Variants in ARHGAP24 observed in about 807,000 individuals in gnomAD.
ARHGAP24 encodes rho GTPase-activating protein 24.
Under a neutral mutation model 76.4 loss-of-function variants are expected in ARHGAP24, and 50 were observed. That is an observed-to-expected ratio of 0.65 (90% CI 0.52 to 0.83). The LOEUF is 0.83. ARHGAP24 is among the 40% of genes least tolerant of loss of function. ARHGAP24 has a pLI of 0.00. For synonymous variants in ARHGAP24, 345 were observed against 323.3 expected, an observed-to-expected ratio of 1.07 and a Z score of -0.72; for missense variants, 930 against 914.2, an observed-to-expected ratio of 1.02 and a Z score of -0.22.
chr4:85,721,409 A>AC (rs1032166983), intron 2 of ARHGAP24, among the ~76,000 whole-genome samples: 2 of 151,688 alleles, frequency 1.3e-5, no homozygotes, highest in African/African-American at 4.9e-5. Flanking sequence ...AAACAAACAA[A>AC]AAAAAAAAAG....
rs111410344 is a variant in ARHGAP24, at chr4:85,755,626, G to GTTTTTTTTTTTTTTTTTTTTT, written c.268+33658_268+33659insTTTTTTTTTTTTTTTTTTTTT. ...TTCTATGGGAAGCTTCTATTCTTTT[G>GTTTTTTTTTTTTTTTTTTTTT]TTTTGTTTTGTTTTGTTTTGTTTTG... On this transcript the variant is annotated intron_variant, in intron 3 of 9. Transcript: ENST00000395184. Among the ~76,000 whole-genome samples the GTTTTTTTTTTTTTTTTTTTTT allele has an allele frequency of 1.1e-4, 13 of 117,372 alleles. 6 individuals carry two copies. Among genetic ancestry groups the GTTTTTTTTTTTTTTTTTTTTT allele is most frequent in the South Asian group, 5.8e-4 (2 of 3,442 alleles). The allele number at this position is 117,372 out of a possible 152,430, so 77.0% of individuals were successfully genotyped here.
At chr4:85,578,239 A>G (rs962672063) in intron 2 of ARHGAP24, among the ~76,000 whole-genome samples, 3 of 152,244 alleles carry the variant, frequency 2.0e-5, no homozygotes, top group Non-Finnish European at 4.4e-5. Flanking sequence ...CAACTATGCT[A>G]TAGATAAATA....
intron 2 of ARHGAP24, among the ~76,000 whole-genome samples, chr4:85,622,096 A>C (rs1047030415): frequency 2.0e-5 from 3 of 151,640 alleles, no homozygotes; most frequent in Non-Finnish European, 4.4e-5. Context: ...TTCTTTTTTA[A>C]AAATTTTATT....
chr4:85,639,213 A>G (rs1328992709), intron 2 of ARHGAP24, among the ~76,000 whole-genome samples: 3 of 152,110 alleles, frequency 2.0e-5, no homozygotes, highest in African/African-American at 7.2e-5. Flanking sequence ...GATATAACTT[A>G]TTTCTCACTC....
chr4:85,736,434 G>A (rs1725609701), intron 3 of ARHGAP24, among the ~76,000 whole-genome samples: 1 of 152,132 alleles, frequency 6.6e-6, no homozygotes, highest in African/African-American at 2.4e-5. Flanking sequence ...GTAGAAATGG[G>A]TAGCTTCTGG....
chr4:85,570,678 A>T lies in ARHGAP24; in HGVS notation c.137A>T (p.Asp46Val). The T allele has an allele frequency of 6.2e-7, 1 of 1,614,036 alleles. No individual in the cohort carries two copies. Among genetic ancestry groups the T allele is most frequent in the Non-Finnish European group, 8.5e-7 (1 of 1,179,996 alleles). Residue 46 changes from aspartate (D) to valine (V), a missense_variant, in exon 2 of 10, where the codon GAT (aspartate) becomes GTT (valine). Coordinates refer to ENST00000395184, the MANE Select transcript of ARHGAP24 (RefSeq NM_001025616.3). ...WHTRWFVLKG[D>V]QLYYFKDEDE... ...ACTCGCTGGTTTGTGCTCAAGGGGG[A>T]TCAGCTCTATTATTTCAAAGATGAA...
At chr4:85,728,423 T>G (rs1001068155) in intron 3 of ARHGAP24, among the ~76,000 whole-genome samples, 1 of 152,158 alleles carries the variant, frequency 6.6e-6, no homozygotes, top group Non-Finnish European at 1.5e-5. Flanking sequence ...AGCTAATCTG[T>G]CTATGTTCCT....
intron 5 of ARHGAP24, among the ~76,000 whole-genome samples, chr4:85,964,307 AAG>A (rs1214802912): frequency 1.3e-5 from 2 of 152,124 alleles, no homozygotes; most frequent in East Asian, 3.9e-4. Flanking sequence ...AAAATGCTAA[AAG>A]AGAAACAATT....
chr4:85,566,036 C>T (rs1426160565), intron 1 of ARHGAP24, among the ~76,000 whole-genome samples: 2 of 152,290 alleles, frequency 1.3e-5, no homozygotes, highest in East Asian at 3.9e-4. Flanking sequence ...CCATCAAATG[C>T]TGAGAACTGT....
intron 4 of ARHGAP24, among the ~76,000 whole-genome samples, chr4:85,925,071 C>A (rs772711249): frequency 3.3e-5 from 5 of 152,188 alleles, no homozygotes; most frequent in Admixed American, 2.0e-4. Context: ...CACTCCAGTA[C>A]CTTAGCAGAG....
chr4:85,734,450 CT>C (rs1725528622), intron 3 of ARHGAP24, among the ~76,000 whole-genome samples: 1 of 152,052 alleles, frequency 6.6e-6, no homozygotes, highest in African/African-American at 2.4e-5. Context: ...TTAAATACAA[CT>C]GTTATGCATC....
intron 2 of ARHGAP24, among the ~76,000 whole-genome samples, chr4:85,714,663 A>G (rs192120278): frequency 1.6e-3 from 238 of 152,236 alleles, no homozygotes; most frequent in Non-Finnish European, 2.9e-3. Context: ...ACAGTTTTCT[A>G]TAAGGAAATT....
intron 3 of ARHGAP24, among the ~76,000 whole-genome samples, chr4:85,921,159 A>G (rs984665763): frequency 6.6e-6 from 1 of 152,248 alleles, no homozygotes; most frequent in Admixed American, 6.5e-5. Flanking sequence ...CTGGATAAAG[A>G]AAATGTGTTA....
At chr4:85,708,562 C>T (rs1274122590) in intron 2 of ARHGAP24, among the ~76,000 whole-genome samples, 1 of 152,174 alleles carries the variant, frequency 6.6e-6, no homozygotes, top group Non-Finnish European at 1.5e-5. Context: ...ATCCTCTTAT[C>T]CACTTTACTG....
chr4:85,776,873 G>A (rs1727327762), intron 3 of ARHGAP24, among the ~76,000 whole-genome samples: 1 of 152,026 alleles, frequency 6.6e-6, no homozygotes, highest in Non-Finnish European at 1.5e-5. Flanking sequence ...ATGGACTAAA[G>A]GTAAAACTGT....
chr4:85,742,814 A>C (rs757109782), intron 3 of ARHGAP24, among the ~76,000 whole-genome samples: 4 of 152,228 alleles, frequency 2.6e-5, no homozygotes, highest in Non-Finnish European at 5.9e-5. Context: ...CAATTGCCTT[A>C]AATTTTGTTA....
At chr4:85,682,788 A>G (rs1228741891) in intron 2 of ARHGAP24, among the ~76,000 whole-genome samples, 1 of 152,194 alleles carries the variant, frequency 6.6e-6, no homozygotes, top group Admixed American at 6.5e-5. Context: ...GCTTAAGAGT[A>G]TTGGACTCTC....
intron 3 of ARHGAP24, among the ~76,000 whole-genome samples, chr4:85,878,842 T>A (rs1733083353): frequency 6.6e-6 from 1 of 152,222 alleles, no homozygotes; most frequent in African/African-American, 2.4e-5. Flanking sequence ...TCTTACATTA[T>A]GATCATTTTC....
chr4:85,799,604 G>GA (rs1047562142), intron 3 of ARHGAP24, among the ~76,000 whole-genome samples: 1 of 152,076 alleles, frequency 6.6e-6, no homozygotes, highest in Non-Finnish European at 1.5e-5. Flanking sequence ...ATTGCTACAG[G>GA]AAAATCTATC....
Sources: gnomAD v4.1 joint callset for allele counts (sites outside exome capture counted in the v4.1 genomes callset) on GRCh38, gnomAD v4.1.1 for gene constraint, MANE v1.5 for transcripts, NCBI Gene and HGNC (gene_info 2026-07-23, HGNC 2026-07-21) for gene names.